The following RSBN1L variants were observed in gnomAD, a reference collection of about 807,000 sequenced individuals.
RSBN1L encodes the protein lysine-specific demethylase RSBN1L.
Under a neutral mutation model 67.7 loss-of-function variants are expected in RSBN1L, and 30 were observed. The observed-to-expected ratio is 0.44, with a 90% confidence interval of 0.33 to 0.60. The LOEUF (loss-of-function observed/expected upper bound fraction) is 0.60. Among genes scored for constraint, RSBN1L ranks in the 20% least tolerant of loss-of-function variants. The pLI is 0.02. For synonymous variants in RSBN1L, 433 were observed against 387.0 expected (o/e 1.12, Z -1.39); for missense variants, 992 against 1,031.7 (o/e 0.96, Z 0.53).
At position 77,749,617 on chromosome 7, in the gene RSBN1L, C is replaced by T. The variant is rs1043621871; in HGVS notation, c.897C>T (p.Asn299=). Residue 299 remains asparagine, a synonymous_variant, in exon 3 of 8, where the codon AAC becomes AAT. Coordinates refer to ENST00000334955, the MANE Select transcript of RSBN1L (RefSeq NM_198467.3). ...CAGCCAAAGGCATCCTAAATGATAA[C>T]ATAAAAGATTACGTTGGGAAGAATT... is the stretch of plus-strand genomic sequence containing the variant. ...DQAAKGILND[N]IKDYVGKNLD... is the part of the protein sequence containing the mutation. 9 of 1,613,754 alleles carry T rather than the reference C, an allele frequency of 5.6e-6. 1 individual carries two copies. Among genetic ancestry groups the T allele is most frequent in the African/African-American group, 2.7e-5 (2 of 74,874 alleles).
At chr7:77,701,132 A>G (rs1465375001) in intron 1 of RSBN1L, among the ~76,000 whole-genome samples, 1 of 142,294 alleles carries the variant, frequency 7.0e-6, no homozygotes, top group Non-Finnish European at 1.5e-5. Context: ...AGCCTGGGCG[A>G]CAGAGCAAGA....
At chr7:77,732,027 A>G (rs1791278633) in intron 1 of RSBN1L, among the ~76,000 whole-genome samples, 1 of 151,896 alleles carries the variant, frequency 6.6e-6, no homozygotes, top group Non-Finnish European at 1.5e-5. Flanking sequence ...TTCTCTTTTT[A>G]TTTTTAAATA....
chr7:77,738,751 C>T (rs1791368154), intron 2 of RSBN1L, among the ~76,000 whole-genome samples: 1 of 151,972 alleles, frequency 6.6e-6, no homozygotes, highest in Non-Finnish European at 1.5e-5. Context: ...AGTTCAAGAC[C>T]AGCCTGGCCA....
intron 1 of RSBN1L, among the ~76,000 whole-genome samples, chr7:77,713,924 TTTA>T (rs1791010572): frequency 6.6e-6 from 1 of 152,222 alleles, no homozygotes; most frequent in South Asian, 2.1e-4. Flanking sequence ...CTGTTTAGAA[TTTA>T]TTTAGACACA....
chr7:77,701,900 G>T (rs752064804), intron 1 of RSBN1L, among the ~76,000 whole-genome samples: 2 of 152,116 alleles, frequency 1.3e-5, no homozygotes, highest in African/African-American at 2.4e-5. Flanking sequence ...TGGTCTGTCT[G>T]CCTTGGCCTC....
rs112867624 is a variant in RSBN1L at position 77,749,685 on chromosome 7, A to G, written c.965A>G (p.Glu322Gly). The G allele has an allele frequency of 5.6e-6, 9 of 1,614,204 alleles. No individual in the cohort carries two copies. The African/African-American group carries it at 8.0e-5, about 14-fold the overall frequency. ...GATTCCAAAATTCCAGAGAACAGTG[A>G]GTTTCCATTTGTCTCATTAAAGGAG... ...NYDSKIPENS[E>G]FPFVSLKEPR... The change falls in exon 3 of 8, where the codon GAG becomes GGG. Residue 322 changes from glutamate (E) to glycine (G), a missense_variant. Transcript: ENST00000334955.
At chr7:77,711,148 A>G (rs541879598) in intron 1 of RSBN1L, among the ~76,000 whole-genome samples, 2 of 152,204 alleles carry the variant, frequency 1.3e-5, no homozygotes, top group Non-Finnish European at 2.9e-5. Context: ...GAAGTTGACC[A>G]GCAGCTCATA....
rs377129987 is a variant in RSBN1L, at chr7:77,768,714, T to G, written c.1536T>G (p.Asp512Glu). ...LSSLKLQSRK[D>E]SDDGPIMWVR... ...GTCTAAAATTACAGAGTCGAAAAGA[T>G]AGTGATGATGGTCCCATCATGTGGG... The change falls in exon 5 of 8, where the codon GAT becomes GAG. Residue 512 changes from aspartate (D) to glutamate (E), a missense_variant. Asp to Glu is a conservative substitution (Grantham distance 45, BLOSUM62 2). Coordinates refer to ENST00000334955, the MANE Select transcript of RSBN1L (RefSeq NM_198467.3). 72 of 1,613,454 alleles carry G rather than the reference T, an allele frequency of 4.5e-5. No individual in the cohort carries two copies. The highest frequency in any genetic ancestry group is 1.6e-4 in the Middle Eastern group (1 of 6,082).
In RSBN1L at chr7:77,696,466, C is replaced by G. The variant is rs748602948; in HGVS notation, c.-4C>G. On this transcript the variant is annotated 5_prime_UTR_variant, in exon 1 of 8. Coordinates refer to ENST00000334955, the MANE Select transcript of RSBN1L (RefSeq NM_198467.3). ...GAGGAGAGTAAATACAACAGGAGCG[C>G]AAAATGGCGGAACCGCCGAGCCCCG... 3.7e-6 allele frequency: 6 copies of G among 1,602,518 alleles called. No homozygotes were observed. The South Asian group carries it at 5.5e-5, about 15-fold the overall frequency.
intron 2 of RSBN1L, among the ~76,000 whole-genome samples, chr7:77,745,809 C>A (rs969127869): frequency 2.6e-5 from 4 of 151,982 alleles, no homozygotes; most frequent in Non-Finnish European, 4.4e-5. Flanking sequence ...CAGTGGGAAC[C>A]CTGAGCTTGT....
rs373740323 is a variant in RSBN1L at position 77,778,854 on chromosome 7, C to T, written c.2227C>T (p.Leu743Phe). 3 of 1,613,956 alleles carry T rather than the reference C, an allele frequency of 1.9e-6. No individual in the cohort carries two copies. Among genetic ancestry groups the T allele is most frequent in the Non-Finnish European group, 2.5e-6 (3 of 1,179,912 alleles). ...ASLDSVFSDKLHSKYELQQIK... is the reference protein window; with the variant it reads ...ASLDSVFSDKFHSKYELQQIK... ...CTTGGATTCTGTTTTTTCAGATAAA[C>T]TTCATTCTAAATATGAATTACAGCA... Residue 743 changes from leucine (L) to phenylalanine (F), a missense_variant, in exon 8 of 8, where the codon CTT becomes TTT. Leu to Phe is a conservative substitution (Grantham distance 22). Around this residue, in one of 7 missense-constraint regions of RSBN1L, gnomAD observed 199 missense variants for 167.7 expected, o/e 1.19. Coordinates refer to ENST00000334955, the MANE Select transcript of RSBN1L (RefSeq NM_198467.3).
chr7:77,731,433 A>T (rs1791270675), intron 1 of RSBN1L, among the ~76,000 whole-genome samples: 2 of 152,110 alleles, frequency 1.3e-5, no homozygotes, highest in Admixed American at 6.6e-5. Context: ...ACAGGGTTTC[A>T]TCATGTTGCC....
At chr7:77,741,666 T>G (rs1398596210) in intron 2 of RSBN1L, among the ~76,000 whole-genome samples, 1 of 145,964 alleles carries the variant, frequency 6.9e-6, no homozygotes, top group Non-Finnish European at 1.5e-5. Flanking sequence ...CACTCCAACC[T>G]GAGTGACAGA....
At chr7:77,706,115 C>T (rs1249577516) in intron 1 of RSBN1L, among the ~76,000 whole-genome samples, 3 of 149,442 alleles carry the variant, frequency 2.0e-5, no homozygotes, top group South Asian at 2.1e-4. Context: ...TTGCTTTTGT[C>T]GCCCATGGTG....
In RSBN1L at chr7:77,750,039, C is replaced by A; in HGVS notation, c.1319C>A (p.Thr440Lys). 6.3e-6 allele frequency: 10 copies of A among 1,595,382 alleles called. No homozygotes were observed. Among genetic ancestry groups the A allele is most frequent in the South Asian group, 1.1e-5 (1 of 87,592 alleles). Residue 440 changes from threonine (T) to lysine (K), a missense_variant, in exon 3 of 8, where the codon ACG becomes AAG. Physicochemically the swap from Thr to Lys is moderately conservative, Grantham distance 78. Transcript: ENST00000334955. ...TTGGGAAAGAAAGATATAGAGACAA[C>A]GACTATGTCCAATTTTCATGCTCAG... ...EILGKKDIET[T>K]TMSNFHAQVK... is the part of the protein sequence containing the mutation.
chr7:77,715,256 T>C (rs1052915742), intron 1 of RSBN1L, among the ~76,000 whole-genome samples: 1 of 152,044 alleles, frequency 6.6e-6, no homozygotes, highest in East Asian at 1.9e-4. Flanking sequence ...TGCAACAGAG[T>C]AAGACTCTGT....
chr7:77,752,942 A>T (rs930904603), intron 3 of RSBN1L, among the ~76,000 whole-genome samples: 1 of 152,176 alleles, frequency 6.6e-6, no homozygotes, highest in Non-Finnish European at 1.5e-5. Context: ...TTTCTGTAGT[A>T]TAACGTTTGT....
At chr7:77,775,396 A>G (rs1791900315) in intron 6 of RSBN1L, among the ~76,000 whole-genome samples, 1 of 152,030 alleles carries the variant, frequency 6.6e-6, no homozygotes, top group Admixed American at 6.5e-5. Context: ...TTAGCTGGGC[A>G]TGCATGCCTA....
chr7:77,775,444 G>T (rs1313488965), intron 6 of RSBN1L, among the ~76,000 whole-genome samples: 1 of 152,104 alleles, frequency 6.6e-6, no homozygotes, highest in Non-Finnish European at 1.5e-5. Context: ...CACAAGAATT[G>T]CTTGAACCTG....
Sources: gnomAD v4.1 joint callset for allele counts (sites outside exome capture counted in the v4.1 genomes callset) on GRCh38, gnomAD v4.1.1 for gene constraint, gnomAD v4.1.1 regional missense constraint, MANE v1.5 for transcripts, NCBI Gene and HGNC (gene_info 2026-07-23, HGNC 2026-07-21) for gene names.